Variants in ADCY2 observed in about 807,000 individuals in gnomAD.
ADCY2 encodes the protein adenylate cyclase type 2.
A neutral mutation model predicts 125.2 loss-of-function variants in ADCY2; 31 were observed. The ratio of observed to expected loss-of-function variants is 0.25; its 90% confidence interval spans 0.19 to 0.33. The LOEUF (loss-of-function observed/expected upper bound fraction) is 0.33. Among genes scored for constraint, ADCY2 ranks in the 10% least tolerant of loss-of-function variants. The pLI, the probability that ADCY2 is intolerant of heterozygous loss-of-function variation, is 1.00. For synonymous variants in ADCY2, 512 were observed against 548.4 expected, an observed-to-expected ratio of 0.93 and a Z score of 0.93; for missense variants, 904 against 1,418.2, an observed-to-expected ratio of 0.64 and a Z score of 5.82.
At chr5:7,744,297 G>C (rs1445722157) in intron 15 of ADCY2, among the ~76,000 whole-genome samples, 1 of 152,006 alleles carries the variant, frequency 6.6e-6, no homozygotes, top group Admixed American at 6.6e-5. Flanking sequence ...TAGATGATGG[G>C]TTCATAGGTG....
chr5:7,749,942 T>C (rs111324680), intron 15 of ADCY2, among the ~76,000 whole-genome samples: 1,769 of 152,304 alleles, frequency 0.012, 40 homozygotes, highest in African/African-American at 0.04. Context: ...CATATTTTAT[T>C]TTTGGTTAGT....
intron 24 of ADCY2, among the ~76,000 whole-genome samples, chr5:7,823,888 G>A (rs1745381457): frequency 6.6e-6 from 1 of 152,106 alleles, no homozygotes; most frequent in South Asian, 2.1e-4. Context: ...AAAGCTCCAT[G>A]CGACTCAGGG....
intron 4 of ADCY2, among the ~76,000 whole-genome samples, chr5:7,637,379 G>A (rs928999281): frequency 5.6e-5 from 8 of 141,952 alleles, no homozygotes; most frequent in African/African-American, 1.6e-4. Flanking sequence ...GCAGTGAGCC[G>A]AGATATCACA....
chr5:7,657,452 C>T (rs761290649), intron 4 of ADCY2, among the ~76,000 whole-genome samples: 2 of 152,148 alleles, frequency 1.3e-5, no homozygotes, highest in Non-Finnish European at 2.9e-5. Flanking sequence ...GCTGTCTTCC[C>T]TGAACATTAA....
intron 2 of ADCY2, among the ~76,000 whole-genome samples, chr5:7,449,987 G>C (rs998928823): frequency 6.6e-6 from 1 of 152,130 alleles, no homozygotes; most frequent in Non-Finnish European, 1.5e-5. Context: ...TGTGTCTTTT[G>C]ACTGCTCCAC....
chr5:7,526,251 G>A (rs1171367751), intron 3 of ADCY2, among the ~76,000 whole-genome samples: 1 of 152,212 alleles, frequency 6.6e-6, no homozygotes, highest in Non-Finnish European at 1.5e-5. Context: ...TCCTTACGGG[G>A]CCTTGTCTGA....
At chr5:7,640,705 G>A (rs1738671666) in intron 4 of ADCY2, among the ~76,000 whole-genome samples, 2 of 151,936 alleles carry the variant, frequency 1.3e-5, no homozygotes, top group South Asian at 4.2e-4. Flanking sequence ...AACAATATAA[G>A]AGGGAAGCCT....
chr5:7,630,968 T>A (rs1036487782), intron 4 of ADCY2, among the ~76,000 whole-genome samples: 1 of 151,990 alleles, frequency 6.6e-6, no homozygotes, highest in Non-Finnish European at 1.5e-5. Context: ...TTGTTATTTA[T>A]TGTATTTTGT....
intron 3 of ADCY2, among the ~76,000 whole-genome samples, chr5:7,582,443 A>G (rs1357660241): frequency 6.6e-6 from 1 of 152,188 alleles, no homozygotes; most frequent in African/African-American, 2.4e-5. Context: ...TAACCGAGAT[A>G]CTAAAACCTA....
chr5:7,626,085 G>C (rs1579249113), intron 3 of ADCY2, 82 bp from the exon 4 acceptor site: 1 of 1,452,948 alleles, frequency 6.9e-7, no homozygotes, highest in Non-Finnish European at 9.3e-7. Flanking sequence ...TCTGAAGACT[G>C]TTGCTAATGT....
At chr5:7,670,904 G>T (rs1054766183) in intron 4 of ADCY2, among the ~76,000 whole-genome samples, 2 of 152,164 alleles carry the variant, frequency 1.3e-5, no homozygotes, top group African/African-American at 4.8e-5. Context: ...TGGCTTGGGG[G>T]TTGGGGACCC....
Position 7,470,366 on chromosome 5 carries a change from T to G in ADCY2, c.409-50372T>G, listed in dbSNP as rs182688687. Among the ~76,000 whole-genome samples the G allele has an allele frequency of 2.0e-3, 308 of 151,708 alleles. 4 individuals carry two copies. The highest frequency in any genetic ancestry group is 4.6e-3 in the East Asian group (24 of 5,176). ...ATTTCTGCATACATCTCAGCTTCTT[T>G]CTTTTTACATTTTGTTTAGCTCTTT... On this transcript the variant is annotated intron_variant, in intron 2 of 24. Coordinates refer to ENST00000338316, the MANE Select transcript of ADCY2 (RefSeq NM_020546.3).
At chr5:7,733,087 C>G (rs1223155731) in intron 14 of ADCY2, among the ~76,000 whole-genome samples, 1 of 152,124 alleles carries the variant, frequency 6.6e-6, no homozygotes, top group African/African-American at 2.4e-5. Context: ...TATGTTTAAC[C>G]AGTCATGAGG....
At position 7,762,092 on chromosome 5, in the gene ADCY2, C is replaced by T. The variant is rs1743239172; in HGVS notation, c.2094+4506C>T. On this transcript the variant is annotated intron_variant, in intron 16 of 24. Coordinates refer to ENST00000338316, the MANE Select transcript of ADCY2 (RefSeq NM_020546.3). ...AGCAGGAAATAAGCTAAATTACCTT[C>T]CCCCACTTTTCCTGTCTATCGATTA... is the stretch of plus-strand genomic sequence containing the variant. Among the ~76,000 whole-genome samples the T allele has an allele frequency of 2.0e-5, 3 of 152,204 alleles. No individual in the cohort carries two copies. In the South Asian group the frequency reaches 6.2e-4, roughly 31 times the overall value.
At chr5:7,503,504 G>A (rs573719127) in intron 2 of ADCY2, among the ~76,000 whole-genome samples, 1 of 152,294 alleles carries the variant, frequency 6.6e-6, no homozygotes, top group Non-Finnish European at 1.5e-5. Context: ...ATAACTGCAT[G>A]TGAGTTTTAG....
intron 15 of ADCY2, among the ~76,000 whole-genome samples, chr5:7,751,308 C>T (rs1439108591): frequency 3.3e-5 from 5 of 152,112 alleles, no homozygotes; most frequent in African/African-American, 9.7e-5. Flanking sequence ...CTGCAGATCT[C>T]GTGGTGCTAA....
chr5:7,396,555 G>A lies in ADCY2; in HGVS notation c.210+49G>A. ...AGCGCCGCGCCTTCCCCGGCCCTGA[G>A]AGGAGCCCGGCCAGCCGAGCCGCGT... On this transcript the variant is annotated intron_variant, in intron 1 of 24. Coordinates refer to ENST00000338316, the MANE Select transcript of ADCY2 (RefSeq NM_020546.3). This position sits in a 1 kb window ranked among gnomAD's most constrained non-coding sequence, Gnocchi z 5.7. The A allele has an allele frequency of 6.7e-7, 1 of 1,490,984 alleles. No individual in the cohort carries two copies. Among genetic ancestry groups the A allele is most frequent in the South Asian group, 1.2e-5 (1 of 81,556 alleles). The allele number at this position is 1,490,984 out of a possible 1,614,324, so 92.4% of individuals were successfully genotyped here.
At chr5:7,488,505 T>C (rs748688547) in intron 2 of ADCY2, among the ~76,000 whole-genome samples, 2 of 152,134 alleles carry the variant, frequency 1.3e-5, no homozygotes, top group Non-Finnish European at 2.9e-5. Context: ...TCAAGCATGT[T>C]TCTAAGGGAC....
intron 18 of ADCY2, among the ~76,000 whole-genome samples, chr5:7,776,955 G>T (rs1357197002): frequency 1.3e-5 from 2 of 152,022 alleles, no homozygotes; most frequent in Non-Finnish European, 1.5e-5. Flanking sequence ...GACTTGGACT[G>T]AGCCACTCCC....
Sources: gnomAD v4.1 joint callset for allele counts (sites outside exome capture counted in the v4.1 genomes callset) on GRCh38, gnomAD v4.1.1 for gene constraint, Gnocchi (gnomAD v3.1) non-coding constraint, MANE v1.5 for transcripts, NCBI Gene and HGNC (gene_info 2026-07-23, HGNC 2026-07-21) for gene names.